Variants in IL34 observed in about 807,000 individuals in gnomAD.
IL34 encodes interleukin 34.
A neutral mutation model predicts 25.3 loss-of-function variants in IL34; 17 were observed. The observed-to-expected ratio is 0.67, with a 90% confidence interval of 0.46 to 1.01. The LOEUF is 1.01. Among genes scored for constraint, IL34 ranks in the 50% least tolerant of loss-of-function variants. The pLI, the probability that IL34 is intolerant of heterozygous loss-of-function variation, is 0.00. For synonymous variants in IL34, 174 were observed against 140.9 expected (o/e 1.23, Z -1.66); for missense variants, 368 against 312.9 (o/e 1.18, Z -1.33).
chr16:70,627,277 C>T (rs1002822583), intron 1 of IL34, among the ~76,000 whole-genome samples: 1 of 152,116 alleles, frequency 6.6e-6, no homozygotes, highest in Non-Finnish European at 1.5e-5. Context: ...GTATAACACA[C>T]ATATAGCAAA....
At chr16:70,594,892 C>T (rs1341151468) in intron 1 of IL34, among the ~76,000 whole-genome samples, 3 of 151,250 alleles carry the variant, frequency 2.0e-5, no homozygotes, top group Non-Finnish European at 2.9e-5. Context: ...ATATTCTAGG[C>T]CTTGGGAAAC....
chr16:70,632,382 A>G (rs1378754638), intron 1 of IL34, among the ~76,000 whole-genome samples: 1 of 152,220 alleles, frequency 6.6e-6, no homozygotes, highest in Non-Finnish European at 1.5e-5. Flanking sequence ...CCATGAAGCA[A>G]AATAATGAAG....
At position 70,654,658 on chromosome 16, in the gene IL34, G is replaced by GC; in HGVS notation, c.149_150insC (p.Leu51ThrfsTer53). On this transcript the variant is annotated frameshift_variant, in exon 2 of 6. Transcript: ENST00000288098. LOFTEE classifies it high-confidence loss of function. ...CGGGACAAGCTGCAGTACAGGAGCC[G>GC]ACTTCAGTACATGGTAACCACGTGG... 1 of 1,609,184 alleles carries GC rather than the reference G, an allele frequency of 6.2e-7. No homozygotes were observed. The highest frequency in any genetic ancestry group is 2.2e-5 in the East Asian group (1 of 44,668).
intron 1 of IL34, among the ~76,000 whole-genome samples, chr16:70,612,239 CTG>C (rs1327327250): frequency 6.7e-6 from 1 of 148,908 alleles, no homozygotes; most frequent in Non-Finnish European, 1.5e-5. Context: ...GTCTCTAAAG[CTG>C]TGTGATTTCC....
At chr16:70,633,112 A>G (rs952031798) in intron 1 of IL34, among the ~76,000 whole-genome samples, 1 of 151,858 alleles carries the variant, frequency 6.6e-6, no homozygotes, top group African/African-American at 2.4e-5. Context: ...CCACAGGTGC[A>G]TGCCACCATG....
intron 3 of IL34, 46 bp downstream of exon 3, chr16:70,656,725 T>G (rs2052233675): frequency 9.8e-7 from 1 of 1,017,152 alleles, no homozygotes; most frequent in African/African-American, 1.6e-5. Flanking sequence ...TCCTGCGACA[T>G]CCGGTGGGCC....
intron 1 of IL34, among the ~76,000 whole-genome samples, chr16:70,648,157 G>A (rs1305076829): frequency 6.6e-6 from 1 of 152,240 alleles, no homozygotes; most frequent in African/African-American, 2.4e-5. Context: ...GTGATTGGGA[G>A]TTCCTCTGCT....
chr16:70,593,612 G>A (rs1597736532), intron 1 of IL34, among the ~76,000 whole-genome samples: 1 of 152,234 alleles, frequency 6.6e-6, no homozygotes, highest in Non-Finnish European at 1.5e-5. Flanking sequence ...TGAACTCTGG[G>A]CTCAAGTGAT....
At chr16:70,639,874 C>T (rs1244828949) in intron 1 of IL34, among the ~76,000 whole-genome samples, 5 of 152,112 alleles carry the variant, frequency 3.3e-5, no homozygotes, top group Middle Eastern at 3.4e-3. Flanking sequence ...GAGAGGATCA[C>T]TTGAGCCCAA....
At position 70,659,774 on chromosome 16, in the gene IL34, G is replaced by A. The variant is rs767832376; in HGVS notation, c.538+21G>A. On this transcript the variant is annotated intron_variant, in intron 5 of 5. Coordinates refer to ENST00000288098, the MANE Select transcript of IL34 (RefSeq NM_001393494.1). Reference sequence around the variant, plus strand: ...CTGCTGTAAGGAGCTCTCAGGGGATGGCGCCTGGGGGTGGGAGGCCAGGCA... The same window carrying A: ...CTGCTGTAAGGAGCTCTCAGGGGATAGCGCCTGGGGGTGGGAGGCCAGGCA... 2.0e-5 allele frequency: 31 copies of A among 1,579,780 alleles called. No individual in the cohort carries two copies. The East Asian group carries it at 4.3e-4, about 22-fold the overall frequency.
intron 2 of IL34, among the ~76,000 whole-genome samples, chr16:70,655,251 C>A (rs1388231146): frequency 6.6e-6 from 1 of 151,302 alleles, no homozygotes; most frequent in Non-Finnish European, 1.5e-5. Flanking sequence ...CGGGGTTTCA[C>A]CATGTTAGTC....
upstream of IL34, among the ~76,000 whole-genome samples, chr16:70,643,808 C>A (rs951709814): frequency 1.4e-5 from 2 of 142,386 alleles, no homozygotes; most frequent in African/African-American, 6.0e-5. Flanking sequence ...TATATGAAAT[C>A]ATATTAAAGA....
rs532617435 is a variant in IL34, at chr16:70,590,550, G to A, written c.-401+10501G>A. On this transcript the variant is annotated intron_variant, in intron 1 of 6. Coordinates refer to the IL34 transcript ENST00000429149. ...CTCGGGTCAGAGGGAGGGGGCAGCC[G>A]GGTGGGAAGGCTTGTCCCAGGTCTA... is the stretch of plus-strand genomic sequence containing the variant. Among the ~76,000 whole-genome samples, 53 of 152,286 alleles carry A rather than the reference G, an allele frequency of 3.5e-4. 1 individual carries two copies. The highest frequency in any genetic ancestry group is 1.3e-3 in the African/African-American group (53 of 41,564).
intron 1 of IL34, among the ~76,000 whole-genome samples, chr16:70,651,531 G>A (rs1196332642): frequency 6.6e-6 from 1 of 152,184 alleles, no homozygotes; most frequent in Non-Finnish European, 1.5e-5. Context: ...CTGAGCAAGG[G>A]CACTCCTGGT....
chr16:70,602,114 G>A (rs142662291), intron 1 of IL34, among the ~76,000 whole-genome samples: 11 of 152,336 alleles, frequency 7.2e-5, no homozygotes, highest in Non-Finnish European at 1.3e-4. Flanking sequence ...CAGGACTCAG[G>A]TCTCCCTGCT....
chr16:70,651,528 A>T (rs2052078010), intron 1 of IL34, among the ~76,000 whole-genome samples: 1 of 152,164 alleles, frequency 6.6e-6, no homozygotes, highest in African/African-American at 2.4e-5. Context: ...GAGCTGAGCA[A>T]GGGCACTCCT....
In IL34 at chr16:70,633,548, A is replaced by C. The variant is rs147034889; in HGVS notation, c.-400-13000A>C. On this transcript the variant is annotated intron_variant, in intron 1 of 6. Coordinates refer to the IL34 transcript ENST00000429149. Reference sequence around the variant, plus strand: ...CCAAAGTGCTGGGATTCCAGGTGTGAACCATTGTGCCTGGCCAAAATACAC... The same window carrying C: ...CCAAAGTGCTGGGATTCCAGGTGTGCACCATTGTGCCTGGCCAAAATACAC... Among the ~76,000 whole-genome samples the C allele has an allele frequency of 6.6e-4, 100 of 152,272 alleles. No individual in the cohort carries two copies. The East Asian group carries it at 0.018, about 27-fold the overall frequency.
In IL34 at chr16:70,649,736, A is replaced by G. The variant is rs117169693; in HGVS notation, c.28+2761A>G. 7.5e-3 allele frequency among the ~76,000 whole-genome samples: 1,145 copies of G among 152,324 alleles called. 11 individuals carry two copies. Among genetic ancestry groups the G allele is most frequent in the Non-Finnish European group, 0.013 (891 of 68,030 alleles). ...AGGGCCAGGGAACCAGGAAGGGAGT[A>G]CCGTACTCACACAGATCTTTCTTAA... On this transcript the variant is annotated intron_variant, in intron 1 of 5. Coordinates refer to ENST00000288098, the MANE Select transcript of IL34 (RefSeq NM_001393494.1).
intron 1 of IL34, among the ~76,000 whole-genome samples, chr16:70,589,074 G>A (rs2050724352): frequency 6.6e-6 from 1 of 152,102 alleles, no homozygotes; most frequent in Non-Finnish European, 1.5e-5. Flanking sequence ...GCGGGCACCA[G>A]TAATCCCAGC....
Sources: allele counts gnomAD v4.1 joint callset (sites outside exome capture counted in the v4.1 genomes callset), GRCh38; gene constraint gnomAD v4.1.1; transcripts MANE v1.5; gene names NCBI Gene and HGNC (gene_info 2026-07-23, HGNC 2026-07-21).